Variants in SCAI observed in about 807,000 individuals in gnomAD.
SCAI encodes the protein protein SCAI.
Under a neutral mutation model 92.2 loss-of-function variants are expected in SCAI, and 24 were observed. That is an observed-to-expected ratio of 0.26 (90% CI 0.19 to 0.37). SCAI has a LOEUF of 0.37. Ranked by LOEUF, SCAI falls within the 10% of genes least tolerant of loss-of-function variation. SCAI has a pLI of 1.00. For synonymous variants in SCAI, 261 were observed against 258.6 expected, an observed-to-expected ratio of 1.01 and a Z score of -0.09; for missense variants, 450 against 736.2, an observed-to-expected ratio of 0.61 and a Z score of 4.50.
intron 2 of SCAI, among the ~76,000 whole-genome samples, chr9:125,057,213 G>T (rs1226992564): frequency 1.3e-5 from 2 of 152,116 alleles, no homozygotes; most frequent in Non-Finnish European, 2.9e-5. Flanking sequence ...AGAACAGAAA[G>T]GATACAGTTG....
chr9:125,077,309 G>A (rs1278303778), intron 2 of SCAI, among the ~76,000 whole-genome samples: 1 of 152,114 alleles, frequency 6.6e-6, no homozygotes. Context: ...GTTTTTCCTT[G>A]TAATACTCTA....
chr9:124,971,537 A>C, intron 16 of SCAI, 67 bp from the exon 17 acceptor site: 1 of 1,430,348 alleles, frequency 7.0e-7, no homozygotes, highest in Non-Finnish European at 9.7e-7. Context: ...AAGGGGAAGG[A>C]AACTTCAGGA....
chr9:124,968,718 T>G (rs929689509), intron 17 of SCAI: 8 of 1,400,720 alleles, frequency 5.7e-6, no homozygotes, highest in African/African-American at 4.2e-5. Flanking sequence ...GACACTCTGC[T>G]TTTTGACATT....
intron 2 of SCAI, among the ~76,000 whole-genome samples, chr9:125,098,040 T>C (rs1429477168): frequency 6.6e-6 from 1 of 151,478 alleles, no homozygotes; most frequent in African/African-American, 2.4e-5. Flanking sequence ...TACACACACA[T>C]ATATATATGT....
intron 3 of SCAI, among the ~76,000 whole-genome samples, chr9:125,034,877 C>T (rs1833159939): frequency 6.6e-6 from 1 of 152,160 alleles, no homozygotes; most frequent in South Asian, 2.1e-4. Flanking sequence ...CAACTCCTGG[C>T]TTTGCTATGT....
chr9:124,960,411 T>G (rs911189639), intron 17 of SCAI, among the ~76,000 whole-genome samples: 4 of 152,168 alleles, frequency 2.6e-5, no homozygotes, highest in African/African-American at 4.8e-5. Context: ...TAGCCAACAC[T>G]GTACAACTGC....
intron 2 of SCAI, among the ~76,000 whole-genome samples, chr9:125,138,666 G>A (rs553093348): frequency 6.6e-6 from 1 of 152,096 alleles, no homozygotes; most frequent in South Asian, 2.1e-4. Context: ...CGCCCGCCTT[G>A]GCCTCCCAAA....
chr9:125,066,065 T>A, intron 2 of SCAI: 1 of 737,324 alleles, frequency 1.4e-6, no homozygotes, highest in Non-Finnish European at 2.5e-6. Context: ...GATACTGTAT[T>A]GAATAAAGAA....
At chr9:125,036,892 G>A (rs189621134) in intron 3 of SCAI, among the ~76,000 whole-genome samples, 3 of 152,296 alleles carry the variant, frequency 2.0e-5, no homozygotes, top group East Asian at 1.9e-4. Flanking sequence ...AGGCTAAGGC[G>A]GGAAGAGCAC....
In SCAI at chr9:124,950,698, G is replaced by A. The variant is rs1831222518; in HGVS notation, c.*2109C>T. ...CACTAGCAAAGGAAATCTTTCCAGGGTAACTTTTCCCAAGCTTTCTGAAAT... is the reference window on the plus strand; with the variant it reads ...CACTAGCAAAGGAAATCTTTCCAGGATAACTTTTCCCAAGCTTTCTGAAAT... On this transcript the variant is annotated 3_prime_UTR_variant, in exon 18 of 18. Transcript: ENST00000336505. The A allele has an allele frequency of 6.6e-6, 1 of 151,972 alleles. No homozygotes were observed. The highest frequency in any genetic ancestry group is 2.1e-4 in the South Asian group (1 of 4,814). 9.4% of individuals were successfully genotyped at this position (151,972 alleles called of 1,614,324 possible).
chr9:124,953,317 T>C (rs1460454177), intron 17 of SCAI, among the ~76,000 whole-genome samples: 1 of 152,056 alleles, frequency 6.6e-6, no homozygotes, highest in Non-Finnish European at 1.5e-5. Flanking sequence ...TAAAAAGATA[T>C]TGCTTTGGAA....
intron 9 of SCAI, 133 bp from the exon 10 acceptor site, chr9:125,003,703 GT>G (rs2131040481): frequency 1.6e-6 from 1 of 608,146 alleles, no homozygotes; most frequent in East Asian, 2.8e-5. Flanking sequence ...CTAATATTTC[GT>G]TACAGAAATT....
chr9:125,122,236 T>C (rs1835169330), intron 2 of SCAI, among the ~76,000 whole-genome samples: 1 of 152,218 alleles, frequency 6.6e-6, no homozygotes, highest in Non-Finnish European at 1.5e-5. Flanking sequence ...GATTCTATAA[T>C]TCTCTTATAA....
At chr9:124,988,104 T>G (rs80086863) in intron 14 of SCAI, among the ~76,000 whole-genome samples, 1 of 151,946 alleles carries the variant, frequency 6.6e-6, no homozygotes, top group East Asian at 1.9e-4. Flanking sequence ...AGGGAAAACA[T>G]GGCATCATGC....
intron 2 of SCAI, among the ~76,000 whole-genome samples, chr9:125,125,576 G>T (rs1054285969): frequency 1.4e-4 from 21 of 150,898 alleles, no homozygotes; most frequent in Non-Finnish European, 4.4e-5. Flanking sequence ...TTAATCAAAA[G>T]ATATCTGCTT....
chr9:125,026,097 G>A (rs1832959374), intron 6 of SCAI, among the ~76,000 whole-genome samples: 1 of 152,174 alleles, frequency 6.6e-6, no homozygotes, highest in Admixed American at 6.5e-5. Flanking sequence ...CAGGCTGGGT[G>A]TGGTGGCTCA....
chr9:124,977,702 T>C (rs1831789433), intron 14 of SCAI, among the ~76,000 whole-genome samples: 1 of 151,786 alleles, frequency 6.6e-6, no homozygotes, highest in Non-Finnish European at 1.5e-5. Context: ...AAACAAAACA[T>C]AACAGAAGAA....
intron 6 of SCAI, among the ~76,000 whole-genome samples, chr9:125,022,728 T>A (rs1258762738): frequency 6.6e-6 from 1 of 152,216 alleles, no homozygotes; most frequent in African/African-American, 2.4e-5. Flanking sequence ...TCGAAGAGTC[T>A]CTTAAAAACA....
chr9:125,125,194 C>T lies in SCAI; in HGVS notation c.98+17439G>A, dbSNP rs559397178. Among the ~76,000 whole-genome samples the T allele has an allele frequency of 2.6e-5, 4 of 152,010 alleles. No individual in the cohort carries two copies. The East Asian group carries it at 7.7e-4, about 29-fold the overall frequency. On this transcript the variant is annotated intron_variant, in intron 2 of 17. Coordinates refer to ENST00000336505, the MANE Select transcript of SCAI (RefSeq NM_001144877.3). ...TGAGATGGCGCCACTGCACTCCAGC[C>T]TGAGAGACAGAGCGAAACTCTGTCT... is the stretch of plus-strand genomic sequence containing the variant.
Sources: allele counts gnomAD v4.1 joint callset (sites outside exome capture counted in the v4.1 genomes callset), GRCh38; gene constraint gnomAD v4.1.1; transcripts MANE v1.5; gene names NCBI Gene and HGNC (gene_info 2026-07-23, HGNC 2026-07-21).